HEATR4: variants seen among roughly 807,000 people sequenced by gnomAD.
HEATR4 encodes HEAT repeat containing 4.
HEATR4 carries 95 observed loss-of-function variants against 108.8 expected under a neutral mutation model. The observed-to-expected ratio is 0.87, with a 90% CI of 0.74 to 1.04. HEATR4 has a LOEUF of 1.04. HEATR4 is among the 50% of genes least tolerant of loss of function. HEATR4 has a pLI of 0.00. For missense variants in HEATR4, 1,152 were observed against 1,253.8 expected, an observed-to-expected ratio of 0.92 and a Z score of 1.23; for synonymous variants, 443 against 459.4, an observed-to-expected ratio of 0.96 and a Z score of 0.46.
the HEATR4 span, among the ~76,000 whole-genome samples, chr14:73,585,622 G>A: frequency 3.3e-5 from 5 of 151,960 alleles, no homozygotes; most frequent in African/African-American, 4.8e-5. Context: ...CCCAGGAGGT[G>A]GAGGTCCAAT....
chr14:73,491,185 G>A (rs745802193), intron 17 of HEATR4: 1 of 1,599,012 alleles, frequency 6.3e-7, no homozygotes, highest in Non-Finnish European at 8.5e-7. Context: ...TGAGGACGCA[G>A]ACGCTGCCTA....
At chr14:73,480,712 A>G (rs1224215504) in intron 17 of HEATR4, among the ~76,000 whole-genome samples, 1 of 152,142 alleles carries the variant, frequency 6.6e-6, no homozygotes, top group Non-Finnish European at 1.5e-5. Context: ...ACAATGGAAG[A>G]GTATTCAGAG....
rs571723397 is a variant in HEATR4, at chr14:73,508,003, C to T, written c.1881+131G>A. 7.1e-5 allele frequency: 59 copies of T among 828,230 alleles called. No individual in the cohort carries two copies. In the African/African-American group the frequency reaches 9.1e-4, roughly 13 times the overall value. The allele number at this position is 828,230 out of a possible 1,614,324, so 51.3% of individuals were successfully genotyped here. A position where few individuals can be genotyped will look rare whatever the true frequency, so the allele number is the denominator to read the frequency against. ...TCAAGTGATCCACCTGCCTCGGCCT[C>T]CCGAAGTGTTGGGATTACAGGCATA... On this transcript the variant is annotated intron_variant, in intron 9 of 17. Coordinates refer to ENST00000553558, the MANE Select transcript of HEATR4 (RefSeq NM_001220484.1).
At chr14:73,508,047 A>G in intron 9 of HEATR4, 87 bp downstream of exon 9, 1 of 1,275,260 alleles carries the variant, frequency 7.8e-7, no homozygotes, top group East Asian at 2.3e-5. Flanking sequence ...CCCCGGCCCC[A>G]GCTGCATTTC....
chr14:73,594,503 C>G, the HEATR4 span, among the ~76,000 whole-genome samples: 1 of 152,050 alleles, frequency 6.6e-6, no homozygotes, highest in African/African-American at 2.4e-5. Flanking sequence ...AACCAGTTTC[C>G]AAGTTTTTCA....
chr14:73,513,563 C>T (rs1430864135), intron 6 of HEATR4, among the ~76,000 whole-genome samples: 1 of 151,474 alleles, frequency 6.6e-6, no homozygotes, highest in Non-Finnish European at 1.5e-5. Context: ...CCATCTCTAC[C>T]AAAGATACAA....
the HEATR4 span, chr14:73,619,667 C>T: frequency 6.2e-7 from 1 of 1,614,042 alleles, no homozygotes; most frequent in African/African-American, 1.3e-5. Flanking sequence ...ATTGACCCAC[C>T]TTATTTTCCT....
chr14:73,613,095 A>G, the HEATR4 span: 1 of 536,052 alleles, frequency 1.9e-6, no homozygotes, highest in Non-Finnish European at 3.2e-6. Flanking sequence ...TGTCCTGGGA[A>G]TCGCGTGATT....
At chr14:73,518,093 A>G (rs553789186) in intron 5 of HEATR4, among the ~76,000 whole-genome samples, 1 of 151,610 alleles carries the variant, frequency 6.6e-6, no homozygotes, top group Non-Finnish European at 1.5e-5. Context: ...CTCAAAAACA[A>G]AGCCAGGTTG....
the HEATR4 span, among the ~76,000 whole-genome samples, chr14:73,607,822 C>G: frequency 6.6e-6 from 1 of 151,882 alleles, no homozygotes; most frequent in Non-Finnish European, 1.5e-5. Context: ...TGGGGTTTCA[C>G]CATGTTTGCC....
the HEATR4 span, chr14:73,573,617 C>T: frequency 1.2e-6 from 2 of 1,612,132 alleles, no homozygotes; most frequent in African/African-American, 2.7e-5. Context: ...GATTTATGGG[C>T]TATGATGTAT....
At chr14:73,583,324 A>G in the HEATR4 span, among the ~76,000 whole-genome samples, 4,098 of 147,814 alleles carry the variant, frequency 0.028, 214 homozygotes, top group African/African-American at 0.097. Flanking sequence ...ACTCCAGCCT[A>G]GGTGACAGAG....
the HEATR4 span, among the ~76,000 whole-genome samples, chr14:73,589,773 A>G: frequency 6.6e-6 from 1 of 152,150 alleles, no homozygotes; most frequent in Non-Finnish European, 1.5e-5. Flanking sequence ...GAGATGTTAC[A>G]GTTCTTAAAG....
chr14:73,564,679 A>AGTTAGATGTGT, the HEATR4 span, among the ~76,000 whole-genome samples: 2 of 149,488 alleles, frequency 1.3e-5, no homozygotes, highest in Non-Finnish European at 3.0e-5. Flanking sequence ...AGTTTGAAAT[A>AGTTAGATGTGT]GTTAGATGTG....
chr14:73,499,678 G>A (rs1305704068), intron 12 of HEATR4, among the ~76,000 whole-genome samples: 3 of 152,028 alleles, frequency 2.0e-5, no homozygotes, highest in Admixed American at 2.0e-4. Flanking sequence ...TACAGATCTG[G>A]GGCCATATGG....
the HEATR4 span, among the ~76,000 whole-genome samples, chr14:73,578,071 G>A: frequency 9.9e-5 from 15 of 151,200 alleles, 1 homozygote; most frequent in African/African-American, 2.2e-4. Flanking sequence ...GACTGGTCTC[G>A]AACTCCTGAC....
chr14:73,605,981 C>T, the HEATR4 span, among the ~76,000 whole-genome samples: 9 of 152,176 alleles, frequency 5.9e-5, no homozygotes, highest in African/African-American at 1.2e-4. Flanking sequence ...ATCGATTAAC[C>T]GGCTCATCGG....
chr14:73,548,854 G>T lies in HEATR4; in HGVS notation c.-152+9897C>A, dbSNP rs1377758997. Reference sequence around the variant, plus strand: ...AACCCAACATGGTGTTTTGATATGTGTATATTAACACACTGTGAAAGGATT... The same window carrying T: ...AACCCAACATGGTGTTTTGATATGTTTATATTAACACACTGTGAAAGGATT... On this transcript the variant is annotated intron_variant, in intron 1 of 17. Coordinates refer to ENST00000553558, the MANE Select transcript of HEATR4 (RefSeq NM_001220484.1). Among the ~76,000 whole-genome samples the T allele has an allele frequency of 1.8e-5, 2 of 114,156 alleles. 1 individual carries two copies. Among genetic ancestry groups the T allele is most frequent in the Non-Finnish European group, 3.8e-5 (2 of 52,500 alleles). The allele number at this position is 114,156 out of a possible 152,430, so 74.9% of individuals were successfully genotyped here. A position where few individuals can be genotyped will look rare whatever the true frequency, so the allele number is the denominator to read the frequency against.
chr14:73,528,664 C>G (rs1291367530), intron 2 of HEATR4, among the ~76,000 whole-genome samples: 3 of 152,154 alleles, frequency 2.0e-5, no homozygotes, highest in African/African-American at 7.2e-5. Context: ...AAAATTGAGT[C>G]TGATACCTGT....
Sources: allele counts gnomAD v4.1 joint callset (sites outside exome capture counted in the v4.1 genomes callset), GRCh38; gene constraint gnomAD v4.1.1; transcripts MANE v1.5; gene names NCBI Gene and HGNC (gene_info 2026-07-23, HGNC 2026-07-21).